APOB: variants seen among roughly 807,000 people sequenced by gnomAD.
The protein encoded by APOB is apolipoprotein B, also known as apolipoprotein B-100.
Under a neutral mutation model 314.1 loss-of-function variants are expected in APOB, and 153 were observed. That is an observed-to-expected ratio of 0.49 (90% confidence interval 0.43 to 0.56). The LOEUF is 0.56. APOB is among the 20% of genes least tolerant of loss of function. APOB has a pLI of 0.00. For missense variants in APOB, 5,430 were observed against 5,350.7 expected, an observed-to-expected ratio of 1.01 and a Z score of -0.46; for synonymous variants, 2,087 against 2,036.4, an observed-to-expected ratio of 1.02 and a Z score of -0.67.
chr2:21,027,161 G>A (rs1194567132), intron 14 of APOB, among the ~76,000 whole-genome samples, 197 bp from the exon 15 acceptor site: 1 of 152,170 alleles, frequency 6.6e-6, no homozygotes, highest in African/African-American at 2.4e-5. Flanking sequence ...CTTTTTTCTA[G>A]AAGAGGCAGC....
chr2:21,003,446 T>C (rs1225931625), intron 28 of APOB, 112 bp from the exon 29 acceptor site: 5 of 944,954 alleles, frequency 5.3e-6, no homozygotes, highest in African/African-American at 1.6e-5. Context: ...ATCTTTCATA[T>C]ACTGAAAGGG....
chr2:21,002,267 A>G lies in APOB; in HGVS notation c.13155T>C (p.Arg4385=). 1 of 1,614,012 alleles carries G rather than the reference A, an allele frequency of 6.2e-7. No individual in the cohort carries two copies. The highest frequency in any genetic ancestry group is 8.5e-7 in the Non-Finnish European group (1 of 1,179,972). ...QQIHQYIMAL[R]EEYFDPSIVG... Reference sequence around the variant, plus strand: ...CTATACTTGGATCAAAATATTCTTCACGAAGGGCCATAATGTATTGATGGA... The same window carrying G: ...CTATACTTGGATCAAAATATTCTTCGCGAAGGGCCATAATGTATTGATGGA... The change falls in exon 29 of 29, where the codon CGT becomes CGC. Residue 4385 remains arginine, a synonymous_variant. Coordinates refer to ENST00000233242, the MANE Select transcript of APOB (RefSeq NM_000384.3).
In APOB at chr2:21,015,447, G is replaced by T. The variant is rs758023800; in HGVS notation, c.3431C>A (p.Ala1144Asp). Residue 1144 changes from alanine (A) to aspartate (D), a missense_variant, in exon 22 of 29, where the codon GCC becomes GAC. Ala to Asp is a moderately radical substitution (Grantham distance 126, BLOSUM62 -2). Around this residue, in one of 3 missense-constraint regions of APOB, gnomAD observed 2,085 missense variants for 2,079.7 expected, o/e 1.00. Coordinates refer to ENST00000233242, the MANE Select transcript of APOB (RefSeq NM_000384.3). The stretch of plus-strand genomic sequence containing the variant: ...TGAGTCCATTTGGAGAAGCAGTTTG[G>T]CAGGCGACCAGTGGGCGAGGATCTC... ...RSEILAHWSP[A>D]KLLLQMDSSA... 23 of 1,614,150 alleles carry T rather than the reference G, an allele frequency of 1.4e-5. No homozygotes were observed. The highest frequency in any genetic ancestry group is 1.9e-5 in the Non-Finnish European group (22 of 1,180,036).
chr2:21,037,321 G>T, intron 5 of APOB, 66 bp from the exon 6 acceptor site: 15 of 1,418,358 alleles, frequency 1.1e-5, no homozygotes, highest in African/African-American at 1.4e-5. Context: ...ACTTGGGAGG[G>T]ATGGGGTGGG....
In APOB at chr2:21,031,245, A is replaced by G. The variant is rs572158013; in HGVS notation, c.1352+1109T>C. On this transcript the variant is annotated intron_variant, in intron 10 of 28. Coordinates refer to ENST00000233242, the MANE Select transcript of APOB (RefSeq NM_000384.3). Reference sequence around the variant, plus strand: ...CGATTGGATTAAAAATGTGAAATGTATAGGCAATAAAATACTATTCGGCCA... The same window carrying G: ...CGATTGGATTAAAAATGTGAAATGTGTAGGCAATAAAATACTATTCGGCCA... Among the ~76,000 whole-genome samples, 92 of 152,410 alleles carry G rather than the reference A, an allele frequency of 6.0e-4. 4 individuals carry two copies. The South Asian group carries it at 0.019, about 32-fold the overall frequency.
intron 28 of APOB, 99 bp downstream of exon 28, chr2:21,004,170 A>G: frequency 7.6e-7 from 1 of 1,309,474 alleles, no homozygotes; most frequent in Non-Finnish European, 1.1e-6. Flanking sequence ...TCTTTCACCT[A>G]GTTTGGGGAA....
chr2:21,005,911 C>A lies in APOB; in HGVS notation c.10957G>T (p.Asp3653Tyr). The change falls in exon 26 of 29, where the codon GAC becomes TAC. Residue 3653 changes from aspartate to tyrosine, a missense_variant. Coordinates refer to ENST00000233242, the MANE Select transcript of APOB (RefSeq NM_000384.3). ...SFQSQVELSNDQEKAHLDIAG... is the reference protein window; with the variant it reads ...SFQSQVELSNYQEKAHLDIAG... The stretch of plus-strand genomic sequence containing the variant: ...ATGTCAAGGTGTGCCTTTTCTTGGT[C>A]ATTGGAAAGCTCGACCTGGCTCTGG... 6.2e-7 allele frequency: 1 copy of A among 1,613,884 alleles called. No individual in the cohort carries two copies. The highest frequency in any genetic ancestry group is 8.5e-7 in the Non-Finnish European group (1 of 1,179,940).
rs1406717687 is a variant in APOB at position 21,033,849 on chromosome 2, A to C, written c.905-331T>G. 2.6e-5 allele frequency among the ~76,000 whole-genome samples: 4 copies of C among 152,214 alleles called. No homozygotes were observed. In the East Asian group the frequency reaches 7.7e-4, roughly 29 times the overall value. Reference sequence around the variant, plus strand: ...GAGATGAGACAAAGAGATGAGACCCAGAGATGAGGAAGTGTGACCCAGAGA... The same window carrying C: ...GAGATGAGACAAAGAGATGAGACCCCGAGATGAGGAAGTGTGACCCAGAGA... On this transcript the variant is annotated intron_variant, in intron 8 of 28. Transcript: ENST00000233242.
rs1171671799 is a variant in APOB at position 21,005,882 on chromosome 2, T to TGCAATGTCAAGGTGTGCCTTTTCTTG, written c.10960_10985dup (p.Gly3663LysfsTer12). ...ACCTTAGGTGTCCTTCTAAGGATCC[T>TGCAATGTCAAGGTGTGCCTTTTCTTG]GCAATGTCAAGGTGTGCCTTTTCTT... On this transcript the variant is annotated frameshift_variant, in exon 26 of 29. Coordinates refer to ENST00000233242, the MANE Select transcript of APOB (RefSeq NM_000384.3). LOFTEE classifies it high-confidence loss of function. 1 of 1,614,028 alleles carries TGCAATGTCAAGGTGTGCCTTTTCTTG rather than the reference T, an allele frequency of 6.2e-7. No homozygotes were observed. Among genetic ancestry groups the TGCAATGTCAAGGTGTGCCTTTTCTTG allele is most frequent in the Admixed American group, 1.7e-5 (1 of 59,994 alleles).
In APOB at chr2:21,001,780, T is replaced by C. The variant is rs1160435341; in HGVS notation, c.13642A>G (p.Met4548Val). Residue 4548 changes from methionine to valine, a missense_variant, in exon 29 of 29, where the codon ATG (methionine) becomes GTG (valine). Around this residue, in one of 3 missense-constraint regions of APOB, gnomAD observed 3,281 missense variants for 3,171.0 expected, o/e 1.03. Transcript: ENST00000233242. Reference protein sequence around the residue: ...LLKKLQSTTVMNPYMKLAPGE... With the variant: ...LLKKLQSTTVVNPYMKLAPGE... ...GGAGCAAGCTTCATGTAGGGGTTCA[T>C]GACTGTGGTTGATTGCAGCTTTTTC... The C allele has an allele frequency of 1.9e-6, 3 of 1,614,056 alleles. No homozygotes were observed. Among genetic ancestry groups the C allele is most frequent in the South Asian group, 1.1e-5 (1 of 91,066 alleles).
Position 21,024,954 on chromosome 2 carries a change from A to T in APOB, c.2415T>A (p.Thr805=). 1 of 1,614,038 alleles carries T rather than the reference A, an allele frequency of 6.2e-7. No individual in the cohort carries two copies. Among genetic ancestry groups the T allele is most frequent in the Non-Finnish European group, 8.5e-7 (1 of 1,180,008 alleles). Residue 805 remains threonine, a synonymous_variant, in exon 16 of 29, where the codon ACT becomes ACA. Transcript: ENST00000233242. ...TTACCATCTGGGGGATCCCCTGCAG[A>T]GTGCGGGCACCCATCAGAAGCAGCT... The part of the protein sequence containing the change: ...LGKLLLMGAR[T]LQGIPQMIGE...
At position 21,006,496 on chromosome 2, in the gene APOB, T is replaced by A. The variant is rs752684262; in HGVS notation, c.10372A>T (p.Met3458Leu). ...GAATTGAAATCATACTTAAATTCCATGGAGGAAGAGACAGTAGGTTTTGAC... is the reference window on the plus strand; with the variant it reads ...GAATTGAAATCATACTTAAATTCCAAGGAGGAAGAGACAGTAGGTTTTGAC... ...TKSKPTVSSS[M>L]EFKYDFNSSM... The change falls in exon 26 of 29, where the codon ATG (methionine) becomes TTG (leucine). Residue 3458 changes from methionine (M) to leucine (L), a missense_variant. Coordinates refer to ENST00000233242, the MANE Select transcript of APOB (RefSeq NM_000384.3). The A allele has an allele frequency of 1.2e-6, 2 of 1,614,152 alleles. No homozygotes were observed. Among genetic ancestry groups the A allele is most frequent in the Admixed American group, 3.3e-5 (2 of 60,024 alleles).
In APOB at chr2:21,007,750, A is replaced by G. The variant is rs752965171; in HGVS notation, c.9118T>C (p.Ser3040Pro). The G allele has an allele frequency of 6.2e-7, 1 of 1,614,080 alleles. No homozygotes were observed. The highest frequency in any genetic ancestry group is 2.2e-5 in the East Asian group (1 of 44,890). Residue 3040 changes from serine (S) to proline (P), a missense_variant, in exon 26 of 29, where the codon TCA becomes CCA. This residue lies in a region of APOB where 3,281 missense variants were observed against 3,171.0 expected (regional missense o/e 1.03). Coordinates refer to ENST00000233242, the MANE Select transcript of APOB (RefSeq NM_000384.3). ...IGTLKNSLFFSAQPFEITAST... is the reference protein window; with the variant it reads ...IGTLKNSLFFPAQPFEITAST... ...GCCGTGATCTCAAATGGCTGGGCTG[A>G]AAAGAAAAGAGAATTTTTCAAAGTT...
intron 4 of APOB, among the ~76,000 whole-genome samples, chr2:21,040,412 T>A (rs556600132): frequency 6.6e-6 from 1 of 152,324 alleles, no homozygotes; most frequent in East Asian, 1.9e-4. Context: ...GGGGTGATGT[T>A]GAAAATATTT....
Position 21,009,357 on chromosome 2 carries a change from G to A in APOB, c.7511C>T (p.Ser2504Phe). 1.9e-6 allele frequency: 3 copies of A among 1,614,128 alleles called. No homozygotes were observed. The highest frequency in any genetic ancestry group is 2.5e-6 in the Non-Finnish European group (3 of 1,179,974). The change falls in exon 26 of 29, where the codon TCT becomes TTT. Residue 2504 changes from serine (S) to phenylalanine (F), a missense_variant. Physicochemically the swap from Ser to Phe is radical, Grantham distance 155. Transcript: ENST00000233242. ...NWLQEALSSA[S>F]LAHMKAKFRE... ...GAATTTGGCCTTCATGTGAGCCAAA[G>A]ATGCTGAACTTAAAGCCTCCTGTAA...
rs765440328 is a variant in APOB, at chr2:21,014,612, T to C, written c.3697-19A>G. 3.1e-6 allele frequency: 5 copies of C among 1,613,818 alleles called. No homozygotes were observed. The highest frequency in any genetic ancestry group is 2.2e-5 in the East Asian group (1 of 44,860). On this transcript the variant is annotated intron_variant, in intron 23 of 28. Coordinates refer to ENST00000233242, the MANE Select transcript of APOB (RefSeq NM_000384.3). The stretch of plus-strand genomic sequence containing the variant: ...TCATTGCCTACAAAATGACAGGAGA[T>C]TTTTAAGGTAATGGGCTTGGATGAG...
chr2:21,029,520 G>C, intron 12 of APOB, 119 bp downstream of exon 12: 1 of 1,141,610 alleles, frequency 8.8e-7, no homozygotes, highest in Non-Finnish European at 1.3e-6. Context: ...AGGAAGGAAG[G>C]AAAGGAAAGA....
In APOB at chr2:21,008,354, C is replaced by G; in HGVS notation, c.8514G>C (p.Glu2838Asp). Residue 2838 changes from glutamate (E) to aspartate (D), a missense_variant, in exon 26 of 29, where the codon GAG (glutamate) becomes GAC (aspartate). By Grantham distance (45) the Glu-to-Asp change is conservative (BLOSUM62 2). This residue lies in a region of APOB where 3,281 missense variants were observed against 3,171.0 expected (regional missense o/e 1.03). Transcript: ENST00000233242. ...VKFSSKYLRT[E>D]HGSEMLFFGN... The stretch of plus-strand genomic sequence containing the variant: ...CAAAAAACAGCATTTCACTCCCATG[C>G]TCCGTTCTCAGGTACTTGCTGGAGA... The G allele has an allele frequency of 3.7e-6, 6 of 1,614,006 alleles. No individual in the cohort carries two copies. Among genetic ancestry groups the G allele is most frequent in the Non-Finnish European group, 5.1e-6 (6 of 1,179,928 alleles).
At chr2:21,040,877 C>T (rs999371734) in intron 4 of APOB, 61 bp downstream of exon 4, 1 of 1,596,326 alleles carries the variant, frequency 6.3e-7, no homozygotes, top group African/African-American at 1.3e-5. Flanking sequence ...GGTGCAAACA[C>T]ACAAGTTCAT....
Sources: allele counts gnomAD v4.1 joint callset (sites outside exome capture counted in the v4.1 genomes callset), GRCh38; gene constraint gnomAD v4.1.1; regional missense constraint gnomAD v4.1.1; transcripts MANE v1.5; gene names NCBI Gene and HGNC (gene_info 2026-07-23, HGNC 2026-07-21).